Variants in ADD1 observed in about 807,000 individuals in gnomAD.
The protein encoded by ADD1 is alpha-adducin.
A neutral mutation model predicts 80.5 loss-of-function variants in ADD1; 24 were observed. The ratio of observed to expected loss-of-function variants is 0.30; its 90% confidence interval spans 0.22 to 0.42. The LOEUF is 0.42. ADD1 is among the 10% of genes least tolerant of loss of function. The pLI is 1.00. For missense variants in ADD1, 948 were observed against 1,019.0 expected, an observed-to-expected ratio of 0.93 and a Z score of 0.95; for synonymous variants, 373 against 393.8, an observed-to-expected ratio of 0.95 and a Z score of 0.63.
At chr4:2,869,944 G>GTCAGCTA (rs1268264892) in intron 1 of ADD1, among the ~76,000 whole-genome samples, 7 of 152,168 alleles carry the variant, frequency 4.6e-5, no homozygotes, top group Non-Finnish European at 8.8e-5. Flanking sequence ...ATTATTAGCT[G>GTCAGCTA]ACAATCAAAG....
chr4:2,923,718 C>G (rs1560260098), intron 14 of ADD1, among the ~76,000 whole-genome samples: 1 of 152,232 alleles, frequency 6.6e-6, no homozygotes, highest in Non-Finnish European at 1.5e-5. Context: ...AGTCATTGTG[C>G]CGGGCACATG....
In ADD1 at chr4:2,904,844, T is replaced by C; in HGVS notation, c.1242T>C (p.Ala414=). The change falls in exon 10 of 16, where the codon GCT becomes GCC. Residue 414 remains alanine (A), a synonymous_variant. Coordinates refer to ENST00000683351, the MANE Select transcript of ADD1 (RefSeq NM_001354761.2). ...SKKYSDVEVP[A]SVTGYSFASD... ...AATACAGCGATGTGGAGGTTCCTGC[T>C]AGTGTCACAGGTTACTCCTTTGCTA... 6.2e-7 allele frequency: 1 copy of C among 1,614,208 alleles called. No individual in the cohort carries two copies. The highest frequency in any genetic ancestry group is 8.5e-7 in the Non-Finnish European group (1 of 1,180,030).
intron 1 of ADD1, among the ~76,000 whole-genome samples, chr4:2,864,547 C>T (rs994088533): frequency 6.6e-6 from 1 of 152,226 alleles, no homozygotes; most frequent in African/African-American, 2.4e-5. Context: ...TTTATACTCA[C>T]AGTGATGCTT....
intron 2 of ADD1, among the ~76,000 whole-genome samples, chr4:2,876,839 A>C (rs933901490): frequency 6.5e-5 from 6 of 92,458 alleles, no homozygotes; most frequent in East Asian, 7.5e-4. Flanking sequence ...ACTCCGTCCC[A>C]AAAAAAAAAA....
intron 1 of ADD1, among the ~76,000 whole-genome samples, chr4:2,857,759 G>C (rs779237960): frequency 6.6e-6 from 1 of 152,208 alleles, no homozygotes; most frequent in Non-Finnish European, 1.5e-5. Flanking sequence ...AGCCCAGGGA[G>C]TGAGTGAGGT....
intron 1 of ADD1, among the ~76,000 whole-genome samples, chr4:2,868,368 T>C (rs1317317405): frequency 6.6e-6 from 1 of 152,206 alleles, no homozygotes; most frequent in East Asian, 1.9e-4. Flanking sequence ...CTCTTGGTGC[T>C]GGCCAGGGTG....
At chr4:2,863,280 A>G (rs1332790787) in intron 1 of ADD1, among the ~76,000 whole-genome samples, 3 of 140,912 alleles carry the variant, frequency 2.1e-5, no homozygotes, top group Non-Finnish European at 4.5e-5. Flanking sequence ...GGCTAGTCTC[A>G]AACTCTGGGC....
intron 12 of ADD1, 71 bp from the exon 13 acceptor site, chr4:2,909,268 A>C: frequency 7.5e-7 from 1 of 1,330,690 alleles, no homozygotes; most frequent in Non-Finnish European, 1.1e-6. Flanking sequence ...AGCCAGCTCC[A>C]TCCTGTGCTC....
At chr4:2,849,574 G>C (rs1020723526) in intron 1 of ADD1, among the ~76,000 whole-genome samples, 5 of 152,152 alleles carry the variant, frequency 3.3e-5, no homozygotes, top group Non-Finnish European at 7.3e-5. Context: ...GTTTGCATGG[G>C]GAGGAGAAAG....
intron 1 of ADD1, among the ~76,000 whole-genome samples, chr4:2,848,015 G>C (rs563528548): frequency 1.4e-4 from 22 of 152,226 alleles, no homozygotes; most frequent in Non-Finnish European, 2.6e-4. Flanking sequence ...AGGAGTTCGA[G>C]GCCAGCCTGG....
chr4:2,876,781 G>A (rs1731375962), intron 2 of ADD1, among the ~76,000 whole-genome samples: 1 of 151,802 alleles, frequency 6.6e-6, no homozygotes, highest in South Asian at 2.1e-4. Context: ...GGAGCTTGCA[G>A]TAAGCCGAGA....
chr4:2,886,685 C>T (rs1733427723), intron 4 of ADD1, among the ~76,000 whole-genome samples: 2 of 152,136 alleles, frequency 1.3e-5, no homozygotes, highest in Admixed American at 1.3e-4. Context: ...GAATGAAACC[C>T]CCGGCTGAAC....
At position 2,895,125 on chromosome 4, in the gene ADD1, G is replaced by A. The variant is rs537922364; in HGVS notation, c.741+394G>A. Among the ~76,000 whole-genome samples, 8 of 152,174 alleles carry A rather than the reference G, an allele frequency of 5.3e-5. No homozygotes were observed. The South Asian group carries it at 1.7e-3, about 32-fold the overall frequency. On this transcript the variant is annotated intron_variant, in intron 6 of 15. Coordinates refer to ENST00000683351, the MANE Select transcript of ADD1 (RefSeq NM_001354761.2). ...AAAAATTAAAAAATTAACCAGTGTG[G>A]TGCGTGCCTGTACTTCCAGCTACTT...
At chr4:2,893,272 T>C (rs1734614077) in intron 4 of ADD1, among the ~76,000 whole-genome samples, 1 of 150,878 alleles carries the variant, frequency 6.6e-6, no homozygotes, top group Non-Finnish European at 1.5e-5. Context: ...CAGTGCCTAC[T>C]GCAGCAAGGA....
chr4:2,899,106 CT>C, intron 8 of ADD1, 152 bp from the exon 9 acceptor site: 1 of 782,680 alleles, frequency 1.3e-6, no homozygotes, highest in Non-Finnish European at 2.0e-6. Flanking sequence ...CTGAAAGTAA[CT>C]TTGTGATCAG....
chr4:2,884,674 T>C lies in ADD1; in HGVS notation c.510+8T>C. ...ATCTACAATCATATCACAGTGAGTA[T>C]TAAATGGGCTAGTAACTGAACGATA... On this transcript the variant is annotated splice_region_variant and intron_variant, in intron 4 of 15. Transcript: ENST00000683351. 6.3e-7 allele frequency: 1 copy of C among 1,592,604 alleles called. No homozygotes were observed. The highest frequency in any genetic ancestry group is 8.6e-7 in the Non-Finnish European group (1 of 1,165,438).
chr4:2,847,010 G>A (rs928304102), intron 1 of ADD1, among the ~76,000 whole-genome samples: 20 of 152,150 alleles, frequency 1.3e-4, no homozygotes, highest in African/African-American at 4.3e-4. Context: ...CCAGCTACTC[G>A]GGAGGCTGAG....
At chr4:2,911,927 G>A (rs906679425) in intron 13 of ADD1, among the ~76,000 whole-genome samples, 1 of 152,208 alleles carries the variant, frequency 6.6e-6, no homozygotes, top group Non-Finnish European at 1.5e-5. Context: ...ATGCTGTGTG[G>A]TAGAAATGCA....
chr4:2,859,426 G>A (rs1317558839), intron 1 of ADD1, among the ~76,000 whole-genome samples: 3 of 152,058 alleles, frequency 2.0e-5, no homozygotes, highest in African/African-American at 7.2e-5. Flanking sequence ...TTTTTCAGAT[G>A]TGTAGAAATA....
Sources: gnomAD v4.1 joint callset for allele counts (sites outside exome capture counted in the v4.1 genomes callset) on GRCh38, gnomAD v4.1.1 for gene constraint, MANE v1.5 for transcripts, NCBI Gene and HGNC (gene_info 2026-07-23, HGNC 2026-07-21) for gene names.